NUP93: variants seen among roughly 807,000 people sequenced by gnomAD.
The protein encoded by NUP93 is nuclear pore complex protein Nup93.
Under a neutral mutation model 107.8 loss-of-function variants are expected in NUP93, and 55 were observed. The ratio of observed to expected loss-of-function variants is 0.51; its 90% CI spans 0.41 to 0.64. The LOEUF (loss-of-function observed/expected upper bound fraction) is 0.64, where lower values mean the gene tolerates loss of function less well. Ranked by LOEUF, NUP93 falls within the 30% of genes least tolerant of loss-of-function variation. The pLI is 0.00. For synonymous variants in NUP93, 390 were observed against 397.5 expected (o/e 0.98, Z 0.22); for missense variants, 937 against 1,044.7 (o/e 0.90, Z 1.42).
chr16:56,839,203 C>T (rs1273913298), intron 19 of NUP93, 134 bp downstream of exon 19: 1 of 415,450 alleles, frequency 2.4e-6, no homozygotes, highest in Admixed American at 3.8e-5. Context: ...CAAGTACAAT[C>T]CTGGGACTTA....
At position 56,849,161 on chromosome 16, in the gene NUP93, C is replaced by CTTAA. The variant is rs1238628254; in HGVS notation, c.*4554_*4557dup. ...GACTCCGTGATTCACCGTGGGGGCCCTTAATAGGCATTCAGTCTGAAAGAA... is the reference window on the plus strand; with the variant it reads ...GACTCCGTGATTCACCGTGGGGGCCCTTAATTAATAGGCATTCAGTCTGAAAGAA... On this transcript the variant is annotated 3_prime_UTR_variant, in exon 22 of 22. Transcript: ENST00000308159. 2.6e-5 allele frequency: 4 copies of CTTAA among 152,218 alleles called. No homozygotes were observed. Among genetic ancestry groups the CTTAA allele is most frequent in the African/African-American group, 9.7e-5 (4 of 41,444 alleles). 9.4% of individuals were successfully genotyped at this position (152,218 alleles called of 1,614,324 possible).
intron 3 of NUP93, among the ~76,000 whole-genome samples, chr16:56,762,389 G>A (rs1214067778): frequency 6.6e-5 from 10 of 152,182 alleles, no homozygotes; most frequent in African/African-American, 2.4e-4. Flanking sequence ...CCAGCATTAG[G>A]CTATAATATT....
chr16:56,823,111 AAC>A (rs1963582644), intron 7 of NUP93, among the ~76,000 whole-genome samples: 1 of 152,192 alleles, frequency 6.6e-6, no homozygotes, highest in Admixed American at 6.5e-5. Context: ...GTGTGGTGGT[AAC>A]ACAGAGGAAA....
At chr16:56,822,516 A>C (rs1963566727) in intron 7 of NUP93, among the ~76,000 whole-genome samples, 1 of 143,916 alleles carries the variant, frequency 6.9e-6, no homozygotes, top group South Asian at 2.2e-4. Flanking sequence ...CCCTGTCTCA[A>C]AAAAAAAAAA....
Position 56,836,706 on chromosome 16 carries a change from G to GA in NUP93, c.1889dup (p.Asp630GlufsTer7), listed in dbSNP as rs765853553. On this transcript the variant is annotated frameshift_variant, in exon 17 of 22. Coordinates refer to ENST00000308159, the MANE Select transcript of NUP93 (RefSeq NM_014669.5). LOFTEE classifies it high-confidence loss of function. ...GTTTGAAGAGGCAGCAAAGCTGTAT[G>GA]ACCTTGCCAAGGTAAAGTGTGCCCA... 1 of 1,611,310 alleles carries GA rather than the reference G, an allele frequency of 6.2e-7. No individual in the cohort carries two copies. The highest frequency in any genetic ancestry group is 1.1e-5 in the South Asian group (1 of 90,788).
At chr16:56,843,868 T>G (rs1964072112) in intron 21 of NUP93, among the ~76,000 whole-genome samples, 2 of 152,212 alleles carry the variant, frequency 1.3e-5, no homozygotes, top group Admixed American at 6.5e-5. Flanking sequence ...CCCTTTCTAG[T>G]CCAGATTTGG....
At chr16:56,808,718 T>C (rs1963240390) in intron 5 of NUP93, among the ~76,000 whole-genome samples, 1 of 34,482 alleles carries the variant, frequency 2.9e-5, no homozygotes, top group Non-Finnish European at 4.2e-5. Flanking sequence ...CATATATAAA[T>C]ATATATAAAT....
At chr16:56,764,716 G>T (rs1183806327) in intron 3 of NUP93, among the ~76,000 whole-genome samples, 2 of 152,086 alleles carry the variant, frequency 1.3e-5, no homozygotes, top group Admixed American at 1.3e-4. Flanking sequence ...TTGGAAAGAG[G>T]GTCAGATTTG....
chr16:56,802,849 G>C lies in NUP93; in HGVS notation c.361-2655G>C, dbSNP rs184398184. Among the ~76,000 whole-genome samples, 24 of 152,310 alleles carry C rather than the reference G, an allele frequency of 1.6e-4. No individual in the cohort carries two copies. The East Asian group carries it at 4.4e-3, about 28-fold the overall frequency. On this transcript the variant is annotated intron_variant, in intron 4 of 21. Transcript: ENST00000308159. The stretch of plus-strand genomic sequence containing the variant: ...ATGGCTTTTTGAAAAGGCTTAAGCT[G>C]ATGGGAAACCTGGTCTGCCAATTGG...
chr16:56,798,759 C>T (rs1178138990), intron 4 of NUP93, among the ~76,000 whole-genome samples: 1 of 151,858 alleles, frequency 6.6e-6, no homozygotes, highest in Non-Finnish European at 1.5e-5. Context: ...GTCCCAGCTA[C>T]TCCGGTGGTT....
chr16:56,841,915 T>G, intron 21 of NUP93, 82 bp downstream of exon 21: 1 of 1,553,408 alleles, frequency 6.4e-7, no homozygotes, highest in Non-Finnish European at 8.7e-7. Context: ...TGAGACCACA[T>G]GACCCAAAAC....
intron 2 of NUP93, among the ~76,000 whole-genome samples, chr16:56,754,354 T>A (rs1961978952): frequency 6.6e-6 from 1 of 152,218 alleles, no homozygotes; most frequent in South Asian, 2.1e-4. Context: ...CCTTGTCACA[T>A]TTCAAAGCAC....
chr16:56,765,861 G>A (rs890133515), intron 3 of NUP93, among the ~76,000 whole-genome samples: 1 of 152,172 alleles, frequency 6.6e-6, no homozygotes, highest in East Asian at 1.9e-4. Context: ...GATCACAGTG[G>A]TAAGAAATTG....
Position 56,748,331 on chromosome 16 carries a change from T to C in NUP93, c.84T>C (p.His28=), listed in dbSNP as rs1163347474. ...CTGAGGGCATCTCAGAGCTTCCCCA[T>C]GTGGAACGGAACTTACAGGAGATCC... is the stretch of plus-strand genomic sequence containing the variant. The part of the protein sequence containing the change: ...AETEGISELP[H]VERNLQEIQQ... Residue 28 remains histidine, a synonymous_variant, in exon 2 of 22, where the codon CAT becomes CAC. Transcript: ENST00000308159. 6.8e-6 allele frequency: 11 copies of C among 1,613,934 alleles called. No individual in the cohort carries two copies. The highest frequency in any genetic ancestry group is 2.7e-5 in the African/African-American group (2 of 74,902).
At position 56,834,733 on chromosome 16, in the gene NUP93, G is replaced by A. The variant is rs1458493781; in HGVS notation, c.1738-1G>A. On this transcript the variant is annotated splice_acceptor_variant, in intron 15 of 21. Transcript: ENST00000308159. LOFTEE classifies it high-confidence loss of function. ...TTGAGTAAACTTTTTTCCTTCCACA[G>A]TTCGATATGATTCTTGGGAAACTAG... 1.2e-6 allele frequency: 2 copies of A among 1,611,328 alleles called. No individual in the cohort carries two copies. Among genetic ancestry groups the A allele is most frequent in the Non-Finnish European group, 1.7e-6 (2 of 1,178,128 alleles).
chr16:56,817,046 G>A (rs1453577459), intron 5 of NUP93, among the ~76,000 whole-genome samples: 1 of 152,170 alleles, frequency 6.6e-6, no homozygotes. Flanking sequence ...GTAAAGATGT[G>A]AGAAGTAGGA....
intron 5 of NUP93, among the ~76,000 whole-genome samples, chr16:56,806,950 A>G (rs1462926346): frequency 1.3e-5 from 2 of 152,136 alleles, no homozygotes; most frequent in African/African-American, 4.8e-5. Flanking sequence ...TCTTCTCAAC[A>G]CAGCAGCAAG....
chr16:56,830,663 T>G lies in NUP93; in HGVS notation c.1063T>G (p.Tyr355Asp). The change falls in exon 10 of 22, where the codon TAC (tyrosine) becomes GAC (aspartate). Residue 355 changes from tyrosine (Y) to aspartate (D), a missense_variant. Physicochemically the swap from Tyr to Asp is radical, Grantham distance 160 (BLOSUM62 -3). Transcript: ENST00000308159. ...AGAGTTTAAAACCTGGTTCCAGGAG[T>G]ACATGAACAGCAAGGACAGAAGGTA... ...LGEFKTWFQE[Y>D]MNSKDRRLSP... is the part of the protein sequence containing the mutation. 6.3e-7 allele frequency: 1 copy of G among 1,591,788 alleles called. No individual in the cohort carries two copies. Among genetic ancestry groups the G allele is most frequent in the Non-Finnish European group, 8.6e-7 (1 of 1,163,334 alleles).
rs200782880 is a variant in NUP93 at position 56,831,914 on chromosome 16, C to T, written c.1158C>T (p.Tyr386=). 2.7e-5 allele frequency: 43 copies of T among 1,614,148 alleles called. No homozygotes were observed. In the East Asian group the frequency reaches 7.6e-4, roughly 28 times the overall value. Residue 386 remains tyrosine (Y), a synonymous_variant, in exon 11 of 22, where the codon TAC becomes TAT. Coordinates refer to ENST00000308159, the MANE Select transcript of NUP93 (RefSeq NM_014669.5). ...RRALRNNTDP[Y]KRAVYCIIGR... ...CCCTCAGGAACAATACAGATCCCTA[C>T]AAGCGGGCCGTGTACTGTATCATTG...
Sources: allele counts gnomAD v4.1 joint callset (sites outside exome capture counted in the v4.1 genomes callset), GRCh38; gene constraint gnomAD v4.1.1; transcripts MANE v1.5; gene names NCBI Gene and HGNC (gene_info 2026-07-23, HGNC 2026-07-21).